PIGN: variants seen among roughly 807,000 people sequenced by gnomAD.
PIGN encodes GPI ethanolamine phosphate transferase 1.
In PIGN, 117 loss-of-function variants were observed where a neutral mutation model predicts 125.4. The observed-to-expected ratio is 0.93, with a 90% CI of 0.80 to 1.09. The LOEUF (loss-of-function observed/expected upper bound fraction) is 1.09. PIGN is among the 50% of genes least tolerant of loss of function. The pLI, the probability that PIGN is intolerant of heterozygous loss-of-function variation, is 0.00. For synonymous variants in PIGN, 392 were observed against 377.8 expected (o/e 1.04, Z -0.44); for missense variants, 1,075 against 1,094.9 (o/e 0.98, Z 0.26).
chr18:62,156,069 T>A (rs1031387322), intron 6 of PIGN, among the ~76,000 whole-genome samples: 3 of 152,212 alleles, frequency 2.0e-5, no homozygotes, highest in Non-Finnish European at 2.9e-5. Context: ...AAATGATCAA[T>A]CTTTCTGCTC....
intron 23 of PIGN, among the ~76,000 whole-genome samples, chr18:62,032,679 T>C (rs1021583944): frequency 6.6e-6 from 1 of 152,236 alleles, no homozygotes; most frequent in African/African-American, 2.4e-5. Flanking sequence ...AAAGTCTCAT[T>C]GTTTACTAGC....
intron 19 of PIGN, 53 bp from the exon 20 acceptor site, chr18:62,105,687 A>T: frequency 9.4e-7 from 1 of 1,060,656 alleles, no homozygotes; most frequent in South Asian, 1.5e-5. Flanking sequence ...GAAAACTATC[A>T]TTAGTGTTTC....
At chr18:62,158,474 T>C (rs2036821031) in intron 4 of PIGN, among the ~76,000 whole-genome samples, 1 of 152,288 alleles carries the variant, frequency 6.6e-6, no homozygotes, top group Non-Finnish European at 1.5e-5. Flanking sequence ...TATCCCCAAA[T>C]TTGAGATTAA....
intron 16 of PIGN, among the ~76,000 whole-genome samples, chr18:62,111,491 A>G (rs1024410374): frequency 6.6e-6 from 1 of 151,994 alleles, no homozygotes; most frequent in Non-Finnish European, 1.5e-5. Context: ...TAGTCTTTTT[A>G]TTATCCCAAA....
At position 62,042,953 on chromosome 18, in the gene PIGN, T is replaced by C. The variant is rs900384641; in HGVS notation, c.*2903A>G. On this transcript the variant is annotated 3_prime_UTR_variant, in exon 31 of 31. Transcript: ENST00000640252. ...AAAAAAAAACAAAAAACCATGCTTA[T>C]ACAGAAATGGGAAAATGCTACAAAG... 7 of 150,920 alleles carry C rather than the reference T, an allele frequency of 4.6e-5. No individual in the cohort carries two copies. The highest frequency in any genetic ancestry group is 1.0e-4 in the Non-Finnish European group (7 of 67,826). The allele number at this position is 150,920 out of a possible 1,614,324, so 9.3% of individuals were successfully genotyped here.
In PIGN at chr18:62,165,583, C is replaced by T. The variant is rs553105883; in HGVS notation, c.-235-1927G>A. On this transcript the variant is annotated intron_variant, in intron 1 of 30. Transcript: ENST00000640252. ...CTTTTTGATACATTAAATTTAAGCT[C>T]GAGATGCCATAATAAGGCAGACAGT... Among the ~76,000 whole-genome samples the T allele has an allele frequency of 9.2e-5, 14 of 152,150 alleles. No homozygotes were observed. The South Asian group carries it at 1.2e-3, about 14-fold the overall frequency.
In PIGN at chr18:62,082,688, T is replaced by G; in HGVS notation, c.2561A>C (p.Gln854Pro). The G allele has an allele frequency of 6.5e-7, 1 of 1,541,108 alleles. No individual in the cohort carries two copies. The highest frequency in any genetic ancestry group is 1.2e-5 in the South Asian group (1 of 83,740). ...TTCATCTTACCTTTTTGACGATAAC[T>G]GAGTAGTCAACTGAACTGCTTCAAA... The part of the protein sequence containing the change: ...CAFEAVQLTT[Q>P]LSSKSLFLIV... Residue 854 changes from glutamine (Q) to proline (P), a missense_variant, in exon 28 of 31, where the codon CAG becomes CCG. This residue lies in a region of PIGN where 915 missense variants were observed against 908.7 expected (regional missense o/e 1.01). Transcript: ENST00000640252.
chr18:62,079,706 T>A (rs1456731048), intron 28 of PIGN, among the ~76,000 whole-genome samples: 1 of 147,192 alleles, frequency 6.8e-6, no homozygotes, highest in Admixed American at 6.8e-5. Context: ...GTAGATATGA[T>A]AACTGTAGAA....
chr18:62,115,592 C>T (rs1489300694), intron 14 of PIGN, among the ~76,000 whole-genome samples: 1 of 139,546 alleles, frequency 7.2e-6, no homozygotes, highest in Non-Finnish European at 1.5e-5. Context: ...TTCTACTTGG[C>T]TCAAGCAGTC....
intron 15 of PIGN, among the ~76,000 whole-genome samples, chr18:62,114,294 G>A (rs1237578431): frequency 2.6e-5 from 4 of 151,682 alleles, no homozygotes; most frequent in East Asian, 1.9e-4. Context: ...CCTGGGAGGC[G>A]GAGGTTGCAG....
At chr18:62,112,453 T>C (rs2034916936) in intron 16 of PIGN, 1 of 152,118 alleles carries the variant, frequency 6.6e-6, no homozygotes, top group African/African-American at 2.4e-5. Context: ...TAAATGATAG[T>C]TAGAAATATA....
intron 30 of PIGN, among the ~76,000 whole-genome samples, chr18:62,050,813 T>C (rs1485822466): frequency 6.6e-6 from 1 of 151,678 alleles, no homozygotes; most frequent in Non-Finnish European, 1.5e-5. Flanking sequence ...TTTTTGCCCA[T>C]TCAGTATGAT....
intron 23 of PIGN, among the ~76,000 whole-genome samples, chr18:62,020,090 T>G (rs1485919214): frequency 6.6e-6 from 1 of 152,212 alleles, no homozygotes; most frequent in African/African-American, 2.4e-5. Flanking sequence ...GCTACTCCTT[T>G]GTAGGACAAA....
intron 9 of PIGN, 140 bp downstream of exon 9, chr18:62,146,831 A>T (rs1317088070): frequency 1.3e-6 from 1 of 749,526 alleles, no homozygotes; most frequent in Non-Finnish European, 1.9e-6. Context: ...TTTTTAGGCT[A>T]ACATTTTAAG....
intron 1 of PIGN, among the ~76,000 whole-genome samples, chr18:62,180,472 C>T (rs925246874): frequency 6.6e-6 from 1 of 152,136 alleles, no homozygotes; most frequent in Non-Finnish European, 1.5e-5. Context: ...CAGCAATGTA[C>T]GAAAGCTTCT....
chr18:62,113,502 T>A (rs1197238567), intron 15 of PIGN, among the ~76,000 whole-genome samples, 186 bp from the exon 16 acceptor site: 1 of 152,148 alleles, frequency 6.6e-6, no homozygotes, highest in Non-Finnish European at 1.5e-5. Flanking sequence ...TGAGAAAAAT[T>A]TGGAATAAAA....
intron 1 of PIGN, among the ~76,000 whole-genome samples, chr18:62,167,850 C>T (rs1025439751): frequency 1.3e-5 from 2 of 151,876 alleles, no homozygotes; most frequent in Non-Finnish European, 2.9e-5. Flanking sequence ...ATCTTTTTAT[C>T]CCTTCTCATT....
chr18:62,082,910 C>T (rs1437641614), intron 27 of PIGN, among the ~76,000 whole-genome samples, 164 bp from the exon 28 acceptor site: 1 of 152,068 alleles, frequency 6.6e-6, no homozygotes, highest in Non-Finnish European at 1.5e-5. Context: ...ACCAATGGCA[C>T]ATAGAACGGT....
chr18:62,184,067 T>TA, intron 1 of PIGN, among the ~76,000 whole-genome samples: 1 of 152,260 alleles, frequency 6.6e-6, no homozygotes, highest in African/African-American at 2.4e-5. Context: ...ATTAAAATTT[T>TA]AAAAAGATAT....
Sources: allele counts gnomAD v4.1 joint callset (sites outside exome capture counted in the v4.1 genomes callset), GRCh38; gene constraint gnomAD v4.1.1; regional missense constraint gnomAD v4.1.1; transcripts MANE v1.5; gene names NCBI Gene and HGNC (gene_info 2026-07-23, HGNC 2026-07-21).